HADHB: variants seen among roughly 807,000 people sequenced by gnomAD.
HADHB encodes hydroxyacyl-CoA dehydrogenase trifunctional multienzyme complex subunit beta, also known as trifunctional enzyme subunit beta, mitochondrial.
A neutral mutation model predicts 61.9 loss-of-function variants in HADHB; 50 were observed. The observed-to-expected ratio is 0.81, with a 90% CI of 0.64 to 1.02. The LOEUF is 1.02. Ranked by LOEUF, HADHB falls within the 50% of genes least tolerant of loss-of-function variation. HADHB has a pLI of 0.00. For synonymous variants in HADHB, 191 were observed against 201.6 expected, an observed-to-expected ratio of 0.95 and a Z score of 0.45; for missense variants, 504 against 586.5, an observed-to-expected ratio of 0.86 and a Z score of 1.45.
Position 26,265,413 on chromosome 2 carries a change from T to G in HADHB, c.209+1934T>G, listed in dbSNP as rs186487973. Among the ~76,000 whole-genome samples, 192 of 152,266 alleles carry G rather than the reference T, an allele frequency of 1.3e-3. 1 individual carries two copies. The highest frequency in any genetic ancestry group is 4.5e-3 in the African/African-American group (188 of 41,556). ...GAGTTTGAGACCAGCCCGGCCAATA[T>G]GGCAAAACCCCATCTCTACTAAAAA... On this transcript the variant is annotated intron_variant, in intron 4 of 15. Transcript: ENST00000317799.
chr2:26,281,138 T>A (rs1415293452), intron 10 of HADHB, among the ~76,000 whole-genome samples: 1 of 147,036 alleles, frequency 6.8e-6, no homozygotes, highest in Non-Finnish European at 1.5e-5. Flanking sequence ...GTTTTTTTTT[T>A]AACTTATCAA....
chr2:26,281,232 TTTCTC>T (rs1672774381), intron 10 of HADHB, among the ~76,000 whole-genome samples: 1 of 152,154 alleles, frequency 6.6e-6, no homozygotes, highest in Admixed American at 6.5e-5. Flanking sequence ...TAAGATGTGA[TTTCTC>T]TTCTCTTACC....
intron 3 of HADHB, among the ~76,000 whole-genome samples, chr2:26,258,349 A>G (rs1671716784): frequency 1.3e-5 from 2 of 152,182 alleles, no homozygotes; most frequent in Non-Finnish European, 2.9e-5. Flanking sequence ...ACCTTGGGCC[A>G]TGCAGTGAGT....
chr2:26,283,002 A>T lies in HADHB; in HGVS notation c.1014-2A>T, dbSNP rs752410797. The T allele has an allele frequency of 1.9e-6, 3 of 1,609,212 alleles. No homozygotes were observed. In the Admixed American group the frequency reaches 5.0e-5, roughly 27 times the overall value. On this transcript the variant is annotated splice_acceptor_variant, in intron 11 of 15. Coordinates refer to ENST00000317799, the MANE Select transcript of HADHB (RefSeq NM_000183.3). LOFTEE classifies it high-confidence loss of function. ...AGCTCACCTCTCTATTTTTTTACCT[A>T]GGGATTTTATGTATGTGTCTCAGGA...
At chr2:26,282,951 C>T (rs1019095938) in intron 11 of HADHB, 27 bp downstream of exon 11, 1 of 1,591,042 alleles carries the variant, frequency 6.3e-7, no homozygotes, top group Non-Finnish European at 8.6e-7. Flanking sequence ...AACAAATCAT[C>T]TCTGATTTCT....
rs56401595 is a variant in HADHB, at chr2:26,266,871, C to CAAAAAAAAAAAAAAA, written c.210-3073_210-3059dup. 3.6e-3 allele frequency among the ~76,000 whole-genome samples: 165 copies of CAAAAAAAAAAAAAAA among 45,410 alleles called. 21 individuals are homozygous for CAAAAAAAAAAAAAAA. The highest frequency in any genetic ancestry group is 0.014 in the African/African-American group (144 of 10,120). The allele number at this position is 45,410 out of a possible 152,430, so 29.8% of individuals were successfully genotyped here. ...GGTGATGGAGTGAGACACTCTCTCT[C>CAAAAAAAAAAAAAAA]AAAAAAAAAAAAAAAAAAAAAAAGG... is the stretch of plus-strand genomic sequence containing the variant. On this transcript the variant is annotated intron_variant, in intron 4 of 15. Transcript: ENST00000317799.
At chr2:26,251,638 G>A (rs995317629) in intron 1 of HADHB, among the ~76,000 whole-genome samples, 1 of 152,140 alleles carries the variant, frequency 6.6e-6, no homozygotes, top group Non-Finnish European at 1.5e-5. Context: ...CTTCTGAGTG[G>A]TGCCTCTCTC....
intron 3 of HADHB, chr2:26,260,405 G>C (rs1671813440): frequency 6.6e-6 from 1 of 152,270 alleles, no homozygotes; most frequent in African/African-American, 2.4e-5. Flanking sequence ...AATGTGGAAT[G>C]ACATGATGGT....
At chr2:26,254,940 CAGAA>C (rs1671546598) in intron 3 of HADHB, 1 of 170,746 alleles carries the variant, frequency 5.9e-6, no homozygotes, top group African/African-American at 2.4e-5. Flanking sequence ...TAGTTAATAA[CAGAA>C]AGTTGTTTAG....
At chr2:26,283,304 C>T (rs186263169) in intron 12 of HADHB, among the ~76,000 whole-genome samples, 2 of 152,082 alleles carry the variant, frequency 1.3e-5, no homozygotes, top group African/African-American at 4.8e-5. Context: ...GTGGGCAGAC[C>T]ACGAGGTCAG....
At chr2:26,248,751 AAAC>A (rs547476928) in intron 1 of HADHB, among the ~76,000 whole-genome samples, 17 of 152,210 alleles carry the variant, frequency 1.1e-4, no homozygotes, top group Admixed American at 3.9e-4. Flanking sequence ...TTGATTTAAA[AAAC>A]AACAACAACA....
At chr2:26,267,354 T>C (rs1672129814) in intron 4 of HADHB, among the ~76,000 whole-genome samples, 1 of 151,924 alleles carries the variant, frequency 6.6e-6, no homozygotes, top group Admixed American at 6.6e-5. Context: ...AAAGAGGGGT[T>C]CAGGGGGTCA....
intron 4 of HADHB, among the ~76,000 whole-genome samples, chr2:26,264,840 A>T (rs1672009014): frequency 6.6e-6 from 1 of 152,024 alleles, no homozygotes; most frequent in African/African-American, 2.4e-5. Context: ...AAATACAAAA[A>T]TTAGCTGGGT....
chr2:26,276,952 T>C (rs976151338), intron 6 of HADHB, 121 bp from the exon 7 acceptor site: 4 of 687,382 alleles, frequency 5.8e-6, no homozygotes, highest in Admixed American at 4.5e-5. Context: ...TTTTAAATAT[T>C]GCTCTGGAGA....
intron 3 of HADHB, among the ~76,000 whole-genome samples, chr2:26,258,567 G>A (rs957729671): frequency 6.6e-5 from 10 of 152,296 alleles, no homozygotes; most frequent in Middle Eastern, 3.4e-3. Context: ...AGTCAACAGC[G>A]GGTCTGCGAC....
intron 4 of HADHB, among the ~76,000 whole-genome samples, chr2:26,268,585 C>G (rs747997919): frequency 7.9e-5 from 12 of 152,166 alleles, no homozygotes; most frequent in Non-Finnish European, 1.8e-4. Context: ...TATTCTTCCC[C>G]TAAATCCATA....
At chr2:26,270,563 T>G (rs924453673) in intron 5 of HADHB, among the ~76,000 whole-genome samples, 4 of 152,216 alleles carry the variant, frequency 2.6e-5, no homozygotes, top group African/African-American at 4.8e-5. Context: ...ATGTTTGTTT[T>G]TTTTTTCTTC....
intron 15 of HADHB, among the ~76,000 whole-genome samples, chr2:26,286,746 T>G (rs2147834450): frequency 6.7e-6 from 1 of 150,216 alleles, no homozygotes; most frequent in Admixed American, 6.6e-5. Context: ...CCTCAGGTGA[T>G]CCGCCTACCT....
chr2:26,262,454 GA>G (rs1237281143), intron 3 of HADHB, among the ~76,000 whole-genome samples: 1 of 152,110 alleles, frequency 6.6e-6, no homozygotes, highest in Admixed American at 6.6e-5. Context: ...CCTCTTAGAA[GA>G]AAATAGTGTG....
Sources: gnomAD v4.1 joint callset for allele counts (sites outside exome capture counted in the v4.1 genomes callset) on GRCh38, gnomAD v4.1.1 for gene constraint, MANE v1.5 for transcripts, NCBI Gene and HGNC (gene_info 2026-07-23, HGNC 2026-07-21) for gene names.